The following TSPAN11 variants were observed in gnomAD, a reference collection of about 807,000 sequenced individuals.
TSPAN11 encodes tetraspanin 11, also known as tetraspanin-11.
In TSPAN11, 29 loss-of-function variants were observed where a neutral mutation model predicts 32.9. That is an observed-to-expected ratio of 0.88 (90% CI 0.66 to 1.20). TSPAN11 has a LOEUF of 1.20. Ranked by LOEUF, TSPAN11 falls within the 50% of genes most tolerant of loss-of-function variation. The pLI, the probability that TSPAN11 is intolerant of heterozygous loss-of-function variation, is 0.00. For missense variants in TSPAN11, 283 were observed against 329.1 expected (o/e 0.86, Z 1.08); for synonymous variants, 140 against 141.3 (o/e 0.99, Z 0.07).
the TSPAN11 span, among the ~76,000 whole-genome samples, chr12:31,007,663 G>A: frequency 1.4e-5 from 2 of 148,134 alleles, no homozygotes; most frequent in African/African-American, 2.5e-5. Context: ...AGCACTCCCC[G>A]ATGCTTTCTG....
intron 7 of TSPAN11, among the ~76,000 whole-genome samples, chr12:30,984,909 C>A (rs1221559657): frequency 6.6e-6 from 1 of 152,126 alleles, no homozygotes; most frequent in Non-Finnish European, 1.5e-5. Context: ...GGTGACTTAC[C>A]CAGGGCCTCA....
chr12:30,997,871 G>A (rs563327409), downstream of TSPAN11, among the ~76,000 whole-genome samples: 5 of 152,300 alleles, frequency 3.3e-5, no homozygotes, highest in Admixed American at 2.0e-4. Flanking sequence ...TGATCCACCC[G>A]GGGAGGTCCC....
At chr12:30,984,067 A>G (rs1030193526) in intron 7 of TSPAN11, among the ~76,000 whole-genome samples, 2 of 152,124 alleles carry the variant, frequency 1.3e-5, no homozygotes, top group Non-Finnish European at 2.9e-5. Flanking sequence ...GAAGGAGGGG[A>G]GCCAGGAAGG....
chr12:30,955,963 C>T (rs1938470106), intron 2 of TSPAN11, among the ~76,000 whole-genome samples: 1 of 152,204 alleles, frequency 6.6e-6, no homozygotes, highest in African/African-American at 2.4e-5. Flanking sequence ...GGACCCAGTC[C>T]AACCCAAACC....
chr12:30,983,008 T>C, intron 6 of TSPAN11, 56 bp from the exon 7 acceptor site: 1 of 1,562,264 alleles, frequency 6.4e-7, no homozygotes, highest in Non-Finnish European at 8.7e-7. Flanking sequence ...CCGCCCTCCG[T>C]CCCCACCCAT....
chr12:30,986,958 G>A (rs1939212156), intron 7 of TSPAN11: 1 of 152,212 alleles, frequency 6.6e-6, no homozygotes, highest in Non-Finnish European at 1.5e-5. Flanking sequence ...GAAGACCCAG[G>A]AAGCATGCTA....
At chr12:30,967,288 G>T (rs1938752721) in intron 3 of TSPAN11, among the ~76,000 whole-genome samples, 1 of 152,220 alleles carries the variant, frequency 6.6e-6, no homozygotes, top group Non-Finnish European at 1.5e-5. Context: ...TGGATGGCCT[G>T]CCCAGAGGGA....
chr12:31,003,639 C>G, the TSPAN11 span, among the ~76,000 whole-genome samples: 1 of 152,216 alleles, frequency 6.6e-6, no homozygotes, highest in Non-Finnish European at 1.5e-5. Flanking sequence ...ACACATGATG[C>G]TCCAGGTCCC....
chr12:31,009,400 T>C, the TSPAN11 span, among the ~76,000 whole-genome samples: 1 of 152,246 alleles, frequency 6.6e-6, no homozygotes, highest in Non-Finnish European at 1.5e-5. Flanking sequence ...GGGTGCCTGT[T>C]CTGGCTACAA....
At position 30,987,717 on chromosome 12, in the gene TSPAN11, T is replaced by A. The variant is rs1290109766; in HGVS notation, c.703-4139T>A. The stretch of plus-strand genomic sequence containing the variant: ...GTGAAGCTCTCTAGTGATGCCACTA[T>A]GCGGCCAGATGCAGAGGGAGTGGCA... On this transcript the variant is annotated intron_variant, in intron 7 of 7. Transcript: ENST00000546076. Among the ~76,000 whole-genome samples the A allele has an allele frequency of 3.9e-5, 6 of 152,290 alleles. No individual in the cohort carries two copies. In the East Asian group the frequency reaches 1.2e-3, roughly 29 times the overall value.
chr12:31,008,571 G>C, the TSPAN11 span, among the ~76,000 whole-genome samples: 1 of 152,164 alleles, frequency 6.6e-6, no homozygotes, highest in Non-Finnish European at 1.5e-5. Flanking sequence ...GCACATCAGG[G>C]GGCCACTCTG....
At chr12:30,952,427 C>A (rs1358371831) in intron 1 of TSPAN11, among the ~76,000 whole-genome samples, 1 of 152,196 alleles carries the variant, frequency 6.6e-6, no homozygotes, top group East Asian at 1.9e-4. Flanking sequence ...ACCACCCTAC[C>A]TCGAAAACTG....
the TSPAN11 span, among the ~76,000 whole-genome samples, chr12:31,008,401 C>T: frequency 1.3e-5 from 2 of 152,246 alleles, no homozygotes; most frequent in South Asian, 2.1e-4. Context: ...CCTGTCCTTC[C>T]TCATTGGTGC....
intron 2 of TSPAN11, among the ~76,000 whole-genome samples, chr12:30,957,238 C>G (rs893827044): frequency 2.0e-5 from 3 of 147,646 alleles, no homozygotes; most frequent in Non-Finnish European, 3.0e-5. Flanking sequence ...ACCCCCCCCC[C>G]CCCCACACCA....
chr12:30,999,918 G>A (rs192397139), downstream of TSPAN11, among the ~76,000 whole-genome samples: 3 of 152,148 alleles, frequency 2.0e-5, no homozygotes, highest in Non-Finnish European at 2.9e-5. Flanking sequence ...GCTGGCTCTC[G>A]GCTATCTGAT....
intron 1 of TSPAN11, among the ~76,000 whole-genome samples, chr12:30,931,413 T>A (rs1937923607): frequency 6.6e-6 from 1 of 152,190 alleles, no homozygotes; most frequent in African/African-American, 2.4e-5. Flanking sequence ...AGCAAACATT[T>A]AATCACATAG....
chr12:30,945,717 A>G (rs1938252570), intron 1 of TSPAN11, among the ~76,000 whole-genome samples: 1 of 152,096 alleles, frequency 6.6e-6, no homozygotes, highest in African/African-American at 2.4e-5. Context: ...ATGATCCCCA[A>G]GTCTCACAGC....
chr12:30,945,923 C>A lies in TSPAN11; in HGVS notation c.-11-8058C>A, dbSNP rs948893253. ...CAGAACCTCAGCCTGGAAGAAGGCCCGCTGAGGCCCATTACCAGGATATCT... is the reference window on the plus strand; with the variant it reads ...CAGAACCTCAGCCTGGAAGAAGGCCAGCTGAGGCCCATTACCAGGATATCT... On this transcript the variant is annotated intron_variant, in intron 1 of 7. Transcript: ENST00000546076. Among the ~76,000 whole-genome samples, 4 of 152,254 alleles carry A rather than the reference C, an allele frequency of 2.6e-5. No homozygotes were observed. The East Asian group carries it at 7.7e-4, about 29-fold the overall frequency.
intron 7 of TSPAN11, among the ~76,000 whole-genome samples, chr12:30,989,951 C>T: frequency 6.6e-6 from 1 of 152,212 alleles, no homozygotes; most frequent in East Asian, 1.9e-4. Flanking sequence ...GGGCCCAACC[C>T]CATCTGCCAC....
Sources: allele counts gnomAD v4.1 joint callset (sites outside exome capture counted in the v4.1 genomes callset), GRCh38; gene constraint gnomAD v4.1.1; transcripts MANE v1.5; gene names NCBI Gene and HGNC (gene_info 2026-07-23, HGNC 2026-07-21).